PLCB2: variants seen among roughly 807,000 people sequenced by gnomAD.
PLCB2 encodes phospholipase C beta 2, also known as 1-phosphatidylinositol 4,5-bisphosphate phosphodiesterase beta-2.
In PLCB2, 115 loss-of-function variants were observed where a neutral mutation model predicts 141.7. The observed-to-expected ratio is 0.81, with a 90% CI of 0.70 to 0.95. PLCB2 has a LOEUF of 0.95. PLCB2 is among the 40% of genes least tolerant of loss of function. The probability of loss-of-function intolerance (pLI) is 0.00; values close to 1 mark genes in which losing one functional copy is unlikely to be tolerated. For synonymous variants in PLCB2, 603 were observed against 595.6 expected, an observed-to-expected ratio of 1.01 and a Z score of -0.18; for missense variants, 1,403 against 1,541.1, an observed-to-expected ratio of 0.91 and a Z score of 1.50.
intron 21 of PLCB2, among the ~76,000 whole-genome samples, 160 bp from the exon 22 acceptor site, chr15:40,292,603 G>A (rs12439272): frequency 0.19 from 28,773 of 152,230 alleles, 3,273 homozygotes; most frequent in Admixed American, 0.33. Flanking sequence ...ACTCATCTAT[G>A]AAGAGGGGAT....
chr15:40,296,624 G>T lies in PLCB2; in HGVS notation c.1497C>A (p.Gly499=). ...APAGEGTVWA[G]EEGTELEEEE... ...CCTCCTCCAGCTCAGTCCCTTCCTC[G>T]CCAGCCCACACTGCCACATACAGCT... The change falls in exon 15 of 32, where the codon GGC becomes GGA. Residue 499 remains glycine (G), a synonymous_variant. Transcript: ENST00000260402. The T allele has an allele frequency of 2.5e-6, 4 of 1,612,416 alleles. No individual in the cohort carries two copies. The highest frequency in any genetic ancestry group is 2.2e-5 in the East Asian group (1 of 44,850).
chr15:40,287,635 C>T (rs2039636014), downstream of PLCB2, among the ~76,000 whole-genome samples: 3 of 152,148 alleles, frequency 2.0e-5, no homozygotes, highest in Admixed American at 6.5e-5. Flanking sequence ...GCTCCAACCC[C>T]GAGAGTGGAG....
chr15:40,292,017 G>A, intron 23 of PLCB2, 47 bp downstream of exon 23: 3 of 1,606,760 alleles, frequency 1.9e-6, no homozygotes, highest in Non-Finnish European at 2.6e-6. Flanking sequence ...CCCATAAATA[G>A]GGCTAATCTC....
chr15:40,289,652 T>C, intron 30 of PLCB2: 1 of 518,586 alleles, frequency 1.9e-6, no homozygotes, highest in South Asian at 2.3e-5. Context: ...AGGTCCATTA[T>C]TCCTTGGCAC....
In PLCB2 at chr15:40,307,124, G is replaced by A. The variant is rs575240210; in HGVS notation, c.84+465C>T. Reference sequence around the variant, plus strand: ...CTTTTGTGGCTGCCCCCACAGCAGCGCAGGGGAGAGCAAGGCTTCCCTGGA... The same window carrying A: ...CTTTTGTGGCTGCCCCCACAGCAGCACAGGGGAGAGCAAGGCTTCCCTGGA... On this transcript the variant is annotated intron_variant, in intron 1 of 31. Coordinates refer to ENST00000260402, the MANE Select transcript of PLCB2 (RefSeq NM_004573.3). Among the ~76,000 whole-genome samples the A allele has an allele frequency of 1.1e-4, 17 of 152,280 alleles. No homozygotes were observed. The South Asian group carries it at 2.7e-3, about 24-fold the overall frequency.
rs2039667703 is a variant in PLCB2 at position 40,288,446 on chromosome 15, C to G, written c.*269G>C. 1 of 1,212,216 alleles carries G rather than the reference C, an allele frequency of 8.2e-7. No homozygotes were observed. Among genetic ancestry groups the G allele is most frequent in the Non-Finnish European group, 1.0e-6 (1 of 973,444 alleles). The allele number at this position is 1,212,216 out of a possible 1,614,324, so 75.1% of individuals were successfully genotyped here. A position where few individuals can be genotyped will look rare whatever the true frequency, so the allele number is the denominator to read the frequency against. On this transcript the variant is annotated 3_prime_UTR_variant, in exon 32 of 32. Transcript: ENST00000260402. ...CCAGTCCATAGTCTTTTGCCCTCAA[C>G]AAATATATGACACTTATCTAGAGAT...
rs2040203601 is a variant in PLCB2 at position 40,296,226 on chromosome 15, G to T, written c.1696+70C>A. 7 of 1,196,936 alleles carry T rather than the reference G, an allele frequency of 5.8e-6. No homozygotes were observed. The East Asian group carries it at 9.8e-5, about 17-fold the overall frequency. The allele number at this position is 1,196,936 out of a possible 1,614,324, so 74.1% of individuals were successfully genotyped here. A position where few individuals can be genotyped will look rare whatever the true frequency, so the allele number is the denominator to read the frequency against. ...CCGTGGCTGGATATTTATAGGCAGGGCCCCAAGTCCAAGGAAGGGGGAGAT... is the reference window on the plus strand; with the variant it reads ...CCGTGGCTGGATATTTATAGGCAGGTCCCCAAGTCCAAGGAAGGGGGAGAT... On this transcript the variant is annotated intron_variant, in intron 16 of 31. Transcript: ENST00000260402.
At chr15:40,285,313 A>G (rs1219322626), downstream of PLCB2, among the ~76,000 whole-genome samples, 1 of 152,214 alleles carries the variant, frequency 6.6e-6, no homozygotes, top group East Asian at 1.9e-4. Context: ...AAGGCCACAG[A>G]TCTGACATCA....
rs2040607066 is a variant in PLCB2, at chr15:40,303,145, C to T, written c.231+143G>A. 4.4e-6 allele frequency: 3 copies of T among 676,562 alleles called. No individual in the cohort carries two copies. In the East Asian group the frequency reaches 7.8e-5, roughly 18 times the overall value. The allele number at this position is 676,562 out of a possible 1,614,324, so 41.9% of individuals were successfully genotyped here. A position where few individuals can be genotyped will look rare whatever the true frequency, so the allele number is the denominator to read the frequency against. ...AGCTGCCGCTCCCCTTCCTTGGCTT[C>T]CAGCCACGGTCCTTGCTGCCCAGCC... On this transcript the variant is annotated intron_variant, in intron 3 of 31. Transcript: ENST00000260402.
intron 13 of PLCB2, 33 bp from the exon 14 acceptor site, chr15:40,296,941 C>T (rs751260382): frequency 1.9e-6 from 3 of 1,610,852 alleles, no homozygotes; most frequent in East Asian, 2.2e-5. Context: ...GCACCATCTT[C>T]TCACCTTCAT....
intron 1 of PLCB2, 129 bp from the exon 2 acceptor site, chr15:40,304,207 T>G (rs1022558182): frequency 3.1e-6 from 2 of 655,250 alleles, no homozygotes; most frequent in Admixed American, 4.8e-5. Flanking sequence ...GGCATTTCCT[T>G]TTGTTGTCTA....
At chr15:40,286,040 C>G (rs1038386887), downstream of PLCB2, 78 of 985,488 alleles carry the variant, frequency 7.9e-5, no homozygotes, top group African/African-American at 1.3e-3. Context: ...AGCCCTGGAG[C>G]CTTTGCTCTG....
Position 40,291,846 on chromosome 15 carries a change from T to C in PLCB2, c.2602+3A>G. 2 of 1,614,120 alleles carry C rather than the reference T, an allele frequency of 1.2e-6. No homozygotes were observed. Among genetic ancestry groups the C allele is most frequent in the Non-Finnish European group, 1.7e-6 (2 of 1,179,956 alleles). On this transcript the variant is annotated splice_donor_region_variant and intron_variant, in intron 24 of 31. Coordinates refer to ENST00000260402, the MANE Select transcript of PLCB2 (RefSeq NM_004573.3). The stretch of plus-strand genomic sequence containing the variant: ...CAGTAGGTGTGCGGACCGAAGCTCA[T>C]ACCTGGTGACCCATTGCTCGTTGGG...
In PLCB2 at chr15:40,303,922, A is replaced by C. The variant is rs372780106; in HGVS notation, c.162+79T>G. 68 of 1,008,792 alleles carry C rather than the reference A, an allele frequency of 6.7e-5. No individual in the cohort carries two copies. The East Asian group carries it at 1.7e-3, about 26-fold the overall frequency. 62.5% of individuals were successfully genotyped at this position (1,008,792 alleles called of 1,614,324 possible). ...TGTACTCCCCAGCATCCATGCCTCC[A>C]CCTTGGTGCAGCCAGGGGGCTGTCT... On this transcript the variant is annotated intron_variant, in intron 2 of 31. Transcript: ENST00000260402.
chr15:40,284,438 C>T (rs1233548592), downstream of PLCB2: 6 of 453,454 alleles, frequency 1.3e-5, no homozygotes, highest in Non-Finnish European at 2.7e-5. Flanking sequence ...TAAATACGTA[C>T]CAACACAGTC....
rs376877044 is a variant in PLCB2, at chr15:40,305,067, G to A, written c.85-989C>T. The stretch of plus-strand genomic sequence containing the variant: ...GAGAAGCCAATTTTAAGAAAGCTGT[G>A]TTGGGAGCTCCATTCCCTTACCTCC... On this transcript the variant is annotated intron_variant, in intron 1 of 31. Coordinates refer to ENST00000260402, the MANE Select transcript of PLCB2 (RefSeq NM_004573.3). Among the ~76,000 whole-genome samples the A allele has an allele frequency of 9.9e-5, 15 of 152,194 alleles. No homozygotes were observed. The East Asian group carries it at 2.7e-3, about 27-fold the overall frequency.
In PLCB2 at chr15:40,288,887, G is replaced by A. The variant is rs1389137222; in HGVS notation, c.3386C>T (p.Ala1129Val). The change falls in exon 32 of 32, where the codon GCC becomes GTC. Residue 1129 changes from alanine to valine, a missense_variant. By Grantham distance (64) the Ala-to-Val change is moderately conservative (BLOSUM62 0). Transcript: ENST00000260402. ...FQKEALAEYEARMKGLEAEVK... is the reference protein window; with the variant it reads ...FQKEALAEYEVRMKGLEAEVK... Reference sequence around the variant, plus strand: ...CTCTGCCTCCAGACCCTTCATCCTGGCCTCGTACTCTGCCAGCGCCTCCTT... The same window carrying A: ...CTCTGCCTCCAGACCCTTCATCCTGACCTCGTACTCTGCCAGCGCCTCCTT... 15 of 1,613,610 alleles carry A rather than the reference G, an allele frequency of 9.3e-6. No individual in the cohort carries two copies. In the East Asian group the frequency reaches 1.6e-4, roughly 17 times the overall value.
rs776900569 is a variant in PLCB2, at chr15:40,292,389, G to A, written c.2381C>T (p.Ala794Val). ...SESNMPLTMP[A>V]LFIFLEMKDY... ...CTTCATCTCCAGGAAGATGAAGAGC[G>A]CAGGCATGGTGAGGGGCATGTTGCT... is the stretch of plus-strand genomic sequence containing the variant. Residue 794 changes from alanine to valine, a missense_variant, in exon 22 of 32, where the codon GCG becomes GTG. This residue lies in a region of PLCB2 where 975 missense variants were observed against 1,141.1 expected (regional missense o/e 0.85). Coordinates refer to ENST00000260402, the MANE Select transcript of PLCB2 (RefSeq NM_004573.3). 4.8e-5 allele frequency: 78 copies of A among 1,613,758 alleles called. No homozygotes were observed. The highest frequency in any genetic ancestry group is 5.3e-5 in the Non-Finnish European group (63 of 1,179,864).
Position 40,291,481 on chromosome 15 carries a change from C to G in PLCB2, c.2654G>C (p.Arg885Pro). 1 of 1,577,744 alleles carries G rather than the reference C, an allele frequency of 6.3e-7. No homozygotes were observed. The highest frequency in any genetic ancestry group is 8.6e-7 in the Non-Finnish European group (1 of 1,167,116). Reference sequence around the variant, plus strand: ...CCGGAGCTCCTCCAGGCTGGCGGTCCGCGGCTCTGCGGAGGCCCGGGTGAG... The same window carrying G: ...CCGGAGCTCCTCCAGGCTGGCGGTCGGCGGCTCTGCGGAGGCCCGGGTGAG... Reference protein sequence around the residue: ...EEAMKEAAEPRTASLEELREL... With the variant: ...EEAMKEAAEPPTASLEELREL... The change falls in exon 26 of 32, where the codon CGG (arginine) becomes CCG (proline). Residue 885 changes from arginine to proline, a missense_variant. Physicochemically the swap from Arg to Pro is moderately radical, Grantham distance 103 (BLOSUM62 -2). Around this residue, in one of 4 missense-constraint regions of PLCB2, gnomAD observed 290 missense variants for 245.9 expected, o/e 1.18. Coordinates refer to ENST00000260402, the MANE Select transcript of PLCB2 (RefSeq NM_004573.3).
Sources: gnomAD v4.1 joint callset for allele counts (sites outside exome capture counted in the v4.1 genomes callset) on GRCh38, gnomAD v4.1.1 for gene constraint, gnomAD v4.1.1 regional missense constraint, MANE v1.5 for transcripts, NCBI Gene and HGNC (gene_info 2026-07-23, HGNC 2026-07-21) for gene names.